The following GABRQ variants were observed in gnomAD, a reference collection of about 807,000 sequenced individuals.
GABRQ encodes the protein gamma-aminobutyric acid receptor subunit theta.
Under a neutral mutation model 30.5 loss-of-function variants are expected in GABRQ, and 19 were observed. The observed-to-expected ratio is 0.62, with a 90% CI of 0.43 to 0.91. GABRQ has a LOEUF of 0.91. Ranked by LOEUF, GABRQ falls within the 40% of genes least tolerant of loss-of-function variation. GABRQ has a pLI of 0.00. For synonymous variants in GABRQ, 187 were observed against 210.2 expected (o/e 0.89, Z 0.95); for missense variants, 520 against 521.4 (o/e 1.00, Z 0.03).
chrX:152,656,901 T>C lies in GABRQ; in HGVS notation c.*3620T>C, dbSNP rs782073731. ...TCTTTGTGTTTGTTGTGTAGTGTCC[T>C]GTGATCAATATAAAATCTATATTAT... On this transcript the variant is annotated 3_prime_UTR_variant, in exon 9 of 9. Transcript: ENST00000598523. 1.8e-5 allele frequency: 2 copies of C among 112,182 alleles called. No individual in the cohort carries two copies. The highest frequency in any genetic ancestry group is 5.6e-4 in the East Asian group (2 of 3,548). 9.2% of individuals were successfully genotyped at this position (112,182 alleles called of 1,213,427 possible).
chrX:152,650,853 A>T (rs1466226455), intron 7 of GABRQ, among the ~76,000 whole-genome samples: 2 of 111,456 alleles, frequency 1.8e-5, no homozygotes, highest in Non-Finnish European at 1.9e-5. Context: ...TGAATCCATA[A>T]GTAAACGGAC....
chrX:152,644,840 T>G (rs1378039599), intron 2 of GABRQ, among the ~76,000 whole-genome samples: 2 of 111,449 alleles, frequency 1.8e-5, no homozygotes, highest in Non-Finnish European at 3.8e-5. Flanking sequence ...ACATTCACTC[T>G]CACACACAGA....
chrX:152,650,096 A>C (rs1181624280), intron 6 of GABRQ, among the ~76,000 whole-genome samples: 7 of 111,945 alleles, frequency 6.3e-5, no homozygotes, highest in Non-Finnish European at 1.3e-4. Context: ...TGCAGGTGTA[A>C]AAGATTCATG....
rs1556821048 is a variant in GABRQ, at chrX:152,655,275, T to C, written c.*1994T>C. On this transcript the variant is annotated 3_prime_UTR_variant, in exon 9 of 9. Transcript: ENST00000598523. ...AACTGACTGTTTCTTTCCAACTTCC[T>C]GTTCCAGGGAGCAGCATCTCCCAGT... The C allele has an allele frequency of 1.8e-5, 2 of 112,241 alleles. No homozygotes were observed. Among genetic ancestry groups the C allele is most frequent in the Non-Finnish European group, 3.8e-5 (2 of 53,269 alleles). The allele number at this position is 112,241 out of a possible 1,213,427, so 9.2% of individuals were successfully genotyped here.
Position 152,638,352 on chromosome X carries a change from G to A in GABRQ, c.149+1G>A, listed in dbSNP as rs2124903698. ...AAGTCGTCCTGAACCTCTTCAACTG[G>A]TAAGCGGGCACCGCCAGGCTAGGCA... On this transcript the variant is annotated splice_donor_variant, in intron 1 of 8. Coordinates refer to ENST00000598523, the MANE Select transcript of GABRQ (RefSeq NM_018558.4). LOFTEE classifies it high-confidence loss of function. 2.5e-6 allele frequency: 3 copies of A among 1,209,973 alleles called. No individual in the cohort carries two copies. The highest frequency in any genetic ancestry group is 3.4e-6 in the Non-Finnish European group (3 of 893,933).
intron 1 of GABRQ, among the ~76,000 whole-genome samples, chrX:152,638,688 G>A (rs1423244838): frequency 5.3e-5 from 6 of 112,430 alleles, no homozygotes; most frequent in Non-Finnish European, 9.4e-5. Flanking sequence ...TAAGGTTCCC[G>A]GCAGCTTTCC....
chrX:152,649,690 C>T, intron 5 of GABRQ, 52 bp from the exon 6 acceptor site: 6 of 1,057,583 alleles, frequency 5.7e-6, no homozygotes, highest in Middle Eastern at 3.6e-4. Context: ...CTTTTTTGTG[C>T]TTTTCTTTCT....
At chrX:152,641,990 G>C (rs188256831) in intron 2 of GABRQ, among the ~76,000 whole-genome samples, 1 of 111,833 alleles carries the variant, frequency 8.9e-6, no homozygotes. Context: ...ATCCAGGACC[G>C]GGGGAGGGAG....
intron 2 of GABRQ, among the ~76,000 whole-genome samples, chrX:152,643,575 C>T (rs1391011468): frequency 1.8e-5 from 2 of 112,433 alleles, no homozygotes; most frequent in African/African-American, 6.5e-5. Flanking sequence ...CCCACAGTGC[C>T]TTACAGTGTA....
chrX:152,650,752 T>G (rs1174857699), intron 7 of GABRQ, among the ~76,000 whole-genome samples, 172 bp downstream of exon 7: 1 of 110,950 alleles, frequency 9.0e-6, no homozygotes, highest in Non-Finnish European at 1.9e-5. Context: ...CAATCCCCAA[T>G]AGAGAGACCG....
chrX:152,654,173 C>T lies in GABRQ; in HGVS notation c.*892C>T, dbSNP rs1396460138. On this transcript the variant is annotated 3_prime_UTR_variant, in exon 9 of 9. Coordinates refer to ENST00000598523, the MANE Select transcript of GABRQ (RefSeq NM_018558.4). Reference sequence around the variant, plus strand: ...TTTCCGTCAGTTGCTGAGTTGATCACCAGTTACAGCACTTGGTGAATAAGC... The same window carrying T: ...TTTCCGTCAGTTGCTGAGTTGATCATCAGTTACAGCACTTGGTGAATAAGC... 8.9e-6 allele frequency: 1 copy of T among 112,397 alleles called. No individual in the cohort carries two copies. The highest frequency in any genetic ancestry group is 3.2e-5 in the African/African-American group (1 of 30,899). The allele number at this position is 112,397 out of a possible 1,213,427, so 9.3% of individuals were successfully genotyped here.
At chrX:152,649,063 G>C (rs1268241722) in intron 4 of GABRQ, among the ~76,000 whole-genome samples, 188 bp from the exon 5 acceptor site, 1 of 112,343 alleles carries the variant, frequency 8.9e-6, no homozygotes, top group Admixed American at 9.4e-5. Context: ...GGTGCCATAC[G>C]TGTGTTCTCT....
At position 152,654,904 on chromosome X, in the gene GABRQ, G is replaced by A. The variant is rs1284919072; in HGVS notation, c.*1623G>A. 1 of 112,570 alleles carries A rather than the reference G, an allele frequency of 8.9e-6. No individual in the cohort carries two copies. Among genetic ancestry groups the A allele is most frequent in the Non-Finnish European group, 1.9e-5 (1 of 53,339 alleles). 9.3% of individuals were successfully genotyped at this position (112,570 alleles called of 1,213,427 possible). On this transcript the variant is annotated 3_prime_UTR_variant, in exon 9 of 9. Coordinates refer to ENST00000598523, the MANE Select transcript of GABRQ (RefSeq NM_018558.4). ...TGCATATGCAGCAGGGTGGGTGTAT[G>A]TACATATACAACCATTTGAGAAGCT...
At chrX:152,643,588 G>C (rs782159922) in intron 2 of GABRQ, among the ~76,000 whole-genome samples, 3 of 112,439 alleles carry the variant, frequency 2.7e-5, no homozygotes, top group Non-Finnish European at 5.6e-5. Flanking sequence ...ACAGTGTAGT[G>C]TACTACATAT....
intron 6 of GABRQ, 109 bp from the exon 7 acceptor site, chrX:152,650,319 T>A (rs1205359598): frequency 3.0e-6 from 2 of 660,389 alleles, no homozygotes; most frequent in African/African-American, 4.4e-5. Context: ...GATGGAGTAT[T>A]ACAAGCTGAA....
At position 152,653,534 on chromosome X, in the gene GABRQ, C is replaced by A. The variant is rs1931086912; in HGVS notation, c.*253C>A. The A allele has an allele frequency of 6.2e-6, 2 of 324,709 alleles. No homozygotes were observed. The highest frequency in any genetic ancestry group is 1.9e-4 in the South Asian group (2 of 10,755). The allele number at this position is 324,709 out of a possible 1,213,427, so 26.8% of individuals were successfully genotyped here. A position where few individuals can be genotyped will look rare whatever the true frequency, so the allele number is the denominator to read the frequency against. On this transcript the variant is annotated 3_prime_UTR_variant, in exon 9 of 9. Coordinates refer to ENST00000598523, the MANE Select transcript of GABRQ (RefSeq NM_018558.4). ...TTCCTTTCCTGCTAGAAGACTCTCA[C>A]CTTTTCAAAGACTTGTAACAAGGAA...
At chrX:152,650,172 C>T (rs907847573) in intron 6 of GABRQ, among the ~76,000 whole-genome samples, 2 of 112,110 alleles carry the variant, frequency 1.8e-5, no homozygotes, top group African/African-American at 3.2e-5. Context: ...TTGCCTCTCC[C>T]ATTCCAAAAC....
chrX:152,643,162 T>G (rs1930798329), intron 2 of GABRQ, among the ~76,000 whole-genome samples: 1 of 112,181 alleles, frequency 8.9e-6, no homozygotes, highest in Non-Finnish European at 1.9e-5. Flanking sequence ...TTCCCTTCTC[T>G]AAAGGCATGT....
At chrX:152,648,661 G>A (rs782348876) in intron 4 of GABRQ, among the ~76,000 whole-genome samples, 5 of 111,636 alleles carry the variant, frequency 4.5e-5, no homozygotes, top group East Asian at 2.8e-4. Context: ...GCGCCCGGCC[G>A]GATTCTTCTT....
Sources: allele counts gnomAD v4.1 joint callset (sites outside exome capture counted in the v4.1 genomes callset), GRCh38; gene constraint gnomAD v4.1.1; transcripts MANE v1.5; gene names NCBI Gene and HGNC (gene_info 2026-07-23, HGNC 2026-07-21).